CADPS2: variants seen among roughly 807,000 people sequenced by gnomAD.
The protein encoded by CADPS2 is calcium dependent secretion activator 2.
Under a neutral mutation model 172.5 loss-of-function variants are expected in CADPS2, and 93 were observed. That is an observed-to-expected ratio of 0.54 (90% CI 0.46 to 0.64). The LOEUF is 0.64. Ranked by LOEUF, CADPS2 falls within the 30% of genes least tolerant of loss-of-function variation. CADPS2 has a pLI of 0.00. For synonymous variants in CADPS2, 546 were observed against 555.2 expected, an observed-to-expected ratio of 0.98 and a Z score of 0.23; for missense variants, 1,420 against 1,565.9, an observed-to-expected ratio of 0.91 and a Z score of 1.57.
chr7:122,816,872 G>C (rs373604366), intron 1 of CADPS2, among the ~76,000 whole-genome samples: 2 of 150,044 alleles, frequency 1.3e-5, no homozygotes, highest in Non-Finnish European at 2.9e-5. Flanking sequence ...CACCACAAAA[G>C]AAGTGTAAAT....
intron 1 of CADPS2, among the ~76,000 whole-genome samples, chr7:122,840,966 A>G (rs1037784143): frequency 3.3e-5 from 5 of 152,198 alleles, no homozygotes; most frequent in Non-Finnish European, 7.3e-5. Flanking sequence ...AAGAACAACA[A>G]AAGTTATAAA....
chr7:122,587,541 A>G (rs773459822), intron 6 of CADPS2, among the ~76,000 whole-genome samples: 7 of 152,076 alleles, frequency 4.6e-5, no homozygotes, highest in East Asian at 1.9e-4. Flanking sequence ...TTGATTCCCT[A>G]TCTTTGCTGT....
chr7:122,416,930 G>A (rs2047993497), intron 17 of CADPS2, among the ~76,000 whole-genome samples: 1 of 152,186 alleles, frequency 6.6e-6, no homozygotes, highest in African/African-American at 2.4e-5. Flanking sequence ...TAATGAAACT[G>A]TTTCAAAACA....
At chr7:122,450,972 C>T (rs2053015515) in intron 15 of CADPS2, among the ~76,000 whole-genome samples, 1 of 152,128 alleles carries the variant, frequency 6.6e-6, no homozygotes, top group African/African-American at 2.4e-5. Flanking sequence ...ACAATAAATG[C>T]TCAAAGACTT....
intron 1 of CADPS2, among the ~76,000 whole-genome samples, chr7:122,737,714 AT>A (rs1301644859): frequency 6.6e-6 from 1 of 152,198 alleles, no homozygotes. Flanking sequence ...CAGGGAAAAT[AT>A]AAAATTTGGA....
At chr7:122,568,478 C>T (rs2066759911) in intron 7 of CADPS2, among the ~76,000 whole-genome samples, 1 of 151,842 alleles carries the variant, frequency 6.6e-6, no homozygotes, top group African/African-American at 2.4e-5. Context: ...TATTTCAATA[C>T]CTAATAGCTA....
chr7:122,761,442 G>A (rs2093375687), intron 1 of CADPS2, among the ~76,000 whole-genome samples: 1 of 152,098 alleles, frequency 6.6e-6, no homozygotes, highest in African/African-American at 2.4e-5. Context: ...TATCCTGAGA[G>A]CTTTCAAACA....
intron 7 of CADPS2, among the ~76,000 whole-genome samples, chr7:122,576,813 C>G: frequency 6.8e-6 from 1 of 146,756 alleles, no homozygotes; most frequent in Non-Finnish European, 1.5e-5. Flanking sequence ...TGCTCTGTTG[C>G]CCAGTGGCGC....
At chr7:122,554,403 A>G in intron 8 of CADPS2, 147 bp downstream of exon 8, 1 of 738,714 alleles carries the variant, frequency 1.4e-6, no homozygotes, top group East Asian at 2.9e-5. Flanking sequence ...GTATAAAAAC[A>G]TTGAGTAAGA....
chr7:122,532,373 T>C (rs1161076078), intron 8 of CADPS2, among the ~76,000 whole-genome samples: 1 of 152,208 alleles, frequency 6.6e-6, no homozygotes, highest in Non-Finnish European at 1.5e-5. Flanking sequence ...TCCAAACATA[T>C]TAATAAGCTA....
intron 6 of CADPS2, among the ~76,000 whole-genome samples, chr7:122,592,397 A>AAACTAGTTC (rs1225103958): frequency 1.3e-5 from 2 of 152,202 alleles, no homozygotes; most frequent in Non-Finnish European, 2.9e-5. Context: ...GTGGGACTGT[A>AAACTAGTTC]AACTAGTTCA....
At chr7:122,339,288 T>G (rs1353044547) in intron 28 of CADPS2, among the ~76,000 whole-genome samples, 12 of 152,238 alleles carry the variant, frequency 7.9e-5, no homozygotes, top group Non-Finnish European at 1.6e-4. Flanking sequence ...ATCCATGTTT[T>G]GTTGATTTCA....
chr7:122,546,568 C>CT (rs1274216938), intron 8 of CADPS2, among the ~76,000 whole-genome samples: 1 of 152,018 alleles, frequency 6.6e-6, no homozygotes, highest in African/African-American at 2.4e-5. Flanking sequence ...TTTTTCCTTC[C>CT]TTTTTTCAGG....
chr7:122,814,249 T>C (rs62482466), intron 1 of CADPS2, among the ~76,000 whole-genome samples: 1,603 of 150,556 alleles, frequency 0.011, 14 homozygotes, highest in Middle Eastern at 0.024. Context: ...TTAACAGAAA[T>C]AACCAAATTA....
At chr7:122,495,774 G>C (rs987525540) in intron 9 of CADPS2, among the ~76,000 whole-genome samples, 5 of 152,126 alleles carry the variant, frequency 3.3e-5, no homozygotes, top group African/African-American at 1.2e-4. Context: ...TGGTATATGA[G>C]CACTCCAGAT....
At chr7:122,445,556 C>G (rs543590176) in intron 15 of CADPS2, among the ~76,000 whole-genome samples, 6 of 152,190 alleles carry the variant, frequency 3.9e-5, no homozygotes, top group Non-Finnish European at 7.4e-5. Flanking sequence ...GTGGCTCATG[C>G]CTGTAATCCC....
intron 8 of CADPS2, among the ~76,000 whole-genome samples, chr7:122,519,946 A>G (rs765949851): frequency 1.1e-4 from 16 of 151,974 alleles, no homozygotes; most frequent in Admixed American, 5.9e-4. Flanking sequence ...AAAATCTTCT[A>G]TATCTGTAGT....
intron 6 of CADPS2, among the ~76,000 whole-genome samples, chr7:122,588,530 C>T (rs889787869): frequency 6.6e-6 from 1 of 151,806 alleles, no homozygotes; most frequent in Non-Finnish European, 1.5e-5. Context: ...TTAAATTATC[C>T]TTCTTAAAAT....
At position 122,563,689 on chromosome 7, in the gene CADPS2, G is replaced by A. The variant is rs541371197; in HGVS notation, c.1336-9000C>T. ...CAATGTCAGTCAATCCATAACATAC[G>A]GTGGTCGGATGGAAAAGAGGGAGGT... On this transcript the variant is annotated intron_variant, in intron 7 of 29. Coordinates refer to ENST00000449022, the MANE Select transcript of CADPS2 (RefSeq NM_017954.11). Among the ~76,000 whole-genome samples the A allele has an allele frequency of 7.2e-5, 11 of 152,178 alleles. No homozygotes were observed. The East Asian group carries it at 1.3e-3, about 19-fold the overall frequency.
Sources: gnomAD v4.1 joint callset for allele counts (sites outside exome capture counted in the v4.1 genomes callset) on GRCh38, gnomAD v4.1.1 for gene constraint, MANE v1.5 for transcripts, NCBI Gene and HGNC (gene_info 2026-07-23, HGNC 2026-07-21) for gene names.